The following ANKRD36 variants were observed in gnomAD, a reference collection of about 807,000 sequenced individuals.
ANKRD36 encodes ankyrin repeat domain 36.
Under a neutral mutation model 278.1 loss-of-function variants are expected in ANKRD36, and 179 were observed. That is an observed-to-expected ratio of 0.64 (90% CI 0.57 to 0.73). The LOEUF (loss-of-function observed/expected upper bound fraction) is 0.73. ANKRD36 is among the 30% of genes least tolerant of loss of function. The pLI is 0.00. For missense variants in ANKRD36, 1,159 were observed against 1,956.7 expected (o/e 0.59, Z 7.69); for synonymous variants, 320 against 641.1 (o/e 0.50, Z 7.57).
intron 3 of ANKRD36, among the ~76,000 whole-genome samples, chr2:97,120,807 C>T (rs1574513102): frequency 6.6e-6 from 1 of 152,136 alleles, no homozygotes; most frequent in Middle Eastern, 3.4e-3. Context: ...CAAATGTGTC[C>T]CATACATGTG....
intron 42 of ANKRD36, among the ~76,000 whole-genome samples, chr2:97,198,216 AT>A (rs1485849125): frequency 6.6e-6 from 1 of 152,024 alleles, no homozygotes; most frequent in East Asian, 1.9e-4. Flanking sequence ...ACACGGTTTT[AT>A]TTTAGTTTTT....
intron 52 of ANKRD36, 125 bp from the exon 53 acceptor site, chr2:97,207,686 A>G (rs2063244885): frequency 7.0e-7 from 1 of 1,436,270 alleles, no homozygotes; most frequent in East Asian, 2.5e-5. Context: ...GACACAAAGT[A>G]GAAGCCATCA....
intron 42 of ANKRD36, among the ~76,000 whole-genome samples, chr2:97,197,957 C>G (rs1271426342): frequency 3.6e-4 from 55 of 151,850 alleles, no homozygotes; most frequent in Non-Finnish European, 7.7e-4. Flanking sequence ...AGGACCCTTC[C>G]ACTGAAGGGA....
intron 48 of ANKRD36, among the ~76,000 whole-genome samples, chr2:97,203,395 T>C (rs551873685): frequency 2.0e-5 from 3 of 151,966 alleles, no homozygotes; most frequent in African/African-American, 7.2e-5. Flanking sequence ...GAGGCTAATA[T>C]ATTATCCCTT....
intron 6 of ANKRD36, among the ~76,000 whole-genome samples, chr2:97,140,281 G>T (rs13026122): frequency 6.6e-6 from 1 of 151,076 alleles, no homozygotes; most frequent in South Asian, 2.1e-4. Flanking sequence ...TTGAGGAGAG[G>T]CAGTGTCATT....
Position 97,164,415 on chromosome 2 carries a change from G to A in ANKRD36, c.1477G>A (p.Asp493Asn). 1 of 1,537,672 alleles carries A rather than the reference G, an allele frequency of 6.5e-7. No homozygotes were observed. The highest frequency in any genetic ancestry group is 8.7e-7 in the Non-Finnish European group (1 of 1,146,876). ...PLFTHTVKDR[D>N]HISTRFLGGM... Reference sequence around the variant, plus strand: ...CATTCAGCATACGGTGAAAGACAGAGATCACATTTCAACTAGATTCTTAGG... The same window carrying A: ...CATTCAGCATACGGTGAAAGACAGAAATCACATTTCAACTAGATTCTTAGG... The change falls in exon 20 of 76, where the codon GAT becomes AAT. Residue 493 changes from aspartate to asparagine, a missense_variant. Coordinates refer to ENST00000420699, the MANE Select transcript of ANKRD36 (RefSeq NM_001354587.1).
chr2:97,222,735 A>T (rs956615295), intron 66 of ANKRD36, among the ~76,000 whole-genome samples: 7 of 152,132 alleles, frequency 4.6e-5, no homozygotes, highest in Non-Finnish European at 7.3e-5. Flanking sequence ...TACTACTGCT[A>T]AATTAAGAGG....
chr2:97,127,651 A>G (rs890215922), intron 6 of ANKRD36, among the ~76,000 whole-genome samples: 1 of 151,994 alleles, frequency 6.6e-6, no homozygotes, highest in Non-Finnish European at 1.5e-5. Flanking sequence ...CTAGAGAAAG[A>G]AAGCTTTTGC....
intron 67 of ANKRD36, among the ~76,000 whole-genome samples, chr2:97,227,519 T>C (rs1468138406): frequency 6.6e-6 from 1 of 152,122 alleles, no homozygotes; most frequent in African/African-American, 2.4e-5. Context: ...CTTAAGGAGA[T>C]TTTGGGCTGA....
At chr2:97,227,584 G>A (rs1432677337) in intron 67 of ANKRD36, among the ~76,000 whole-genome samples, 2 of 152,090 alleles carry the variant, frequency 1.3e-5, no homozygotes, top group Admixed American at 1.3e-4. Flanking sequence ...GGGACAATTT[G>A]ACTTCCTCTT....
intron 67 of ANKRD36, among the ~76,000 whole-genome samples, chr2:97,225,443 C>A (rs939197723): frequency 3.3e-5 from 5 of 151,984 alleles, no homozygotes; most frequent in African/African-American, 1.2e-4. Context: ...TATTAGTGTA[C>A]AAACAATAAC....
chr2:97,204,033 CAT>C (rs2062120226), intron 48 of ANKRD36, 33 bp from the exon 49 acceptor site: 1 of 1,556,818 alleles, frequency 6.4e-7, no homozygotes, highest in East Asian at 2.4e-5. Flanking sequence ...GTCATTTTTA[CAT>C]ATGAGTGATT....
rs1395362126 is a variant in ANKRD36 at position 97,113,160 on chromosome 2, C to T, written c.-580C>T. Reference sequence around the variant, plus strand: ...GGAGCCCCGCCAGCCCCCGCCGGAGCCCGAGCTGCAGTGCCGCCTACAAGT... The same window carrying T: ...GGAGCCCCGCCAGCCCCCGCCGGAGTCCGAGCTGCAGTGCCGCCTACAAGT... On this transcript the variant is annotated 5_prime_UTR_variant, in exon 1 of 76. Coordinates refer to ENST00000420699, the MANE Select transcript of ANKRD36 (RefSeq NM_001354587.1). 1.3e-5 allele frequency among the ~76,000 whole-genome samples: 2 copies of T among 152,130 alleles called. No individual in the cohort carries two copies. Among genetic ancestry groups the T allele is most frequent in the Non-Finnish European group, 2.9e-5 (2 of 68,010 alleles).
chr2:97,219,558 G>A (rs1051068233), intron 66 of ANKRD36, among the ~76,000 whole-genome samples: 3 of 149,348 alleles, frequency 2.0e-5, no homozygotes, highest in Non-Finnish European at 4.5e-5. Flanking sequence ...TGTAACTCAC[G>A]ACAACCTCCA....
At chr2:97,203,950 A>G (rs1215546732) in intron 48 of ANKRD36, 118 bp from the exon 49 acceptor site, 1 of 1,461,096 alleles carries the variant, frequency 6.8e-7, no homozygotes, top group Non-Finnish European at 9.3e-7. Flanking sequence ...ATTAGAAGCC[A>G]TCAAAGCATA....
At chr2:97,193,983 C>A (rs912073398) in intron 38 of ANKRD36, among the ~76,000 whole-genome samples, 2 of 151,576 alleles carry the variant, frequency 1.3e-5, no homozygotes, top group African/African-American at 4.8e-5. Context: ...ATATCTAATG[C>A]TTGTAGCCAT....
At position 97,156,186 on chromosome 2, in the gene ANKRD36, A is replaced by G. The variant is rs193229807; in HGVS notation, c.1260+1445A>G. Among the ~76,000 whole-genome samples the G allele has an allele frequency of 1.2e-3, 174 of 146,666 alleles. 21 individuals are homozygous for G. The highest frequency in any genetic ancestry group is 4.5e-3 in the South Asian group (21 of 4,710). Reference sequence around the variant, plus strand: ...ATTTTTAAAGCCCCAACCATGTTCTATTAAATACATATTTTTCAGGACATA... The same window carrying G: ...ATTTTTAAAGCCCCAACCATGTTCTGTTAAATACATATTTTTCAGGACATA... On this transcript the variant is annotated intron_variant, in intron 15 of 75. Transcript: ENST00000420699.
Position 97,113,559 on chromosome 2 carries a change from G to A in ANKRD36, c.-181G>A. ...GGCCTGTTGGGCAGGGCCGGCTAAG[G>A]TGCGCGTGCTCGCTGGTTCTAACCC... is the stretch of plus-strand genomic sequence containing the variant. On this transcript the variant is annotated 5_prime_UTR_variant, in exon 1 of 76. In the 5' UTR this introduces an upstream ATG that the reference lacks. Coordinates refer to ENST00000420699, the MANE Select transcript of ANKRD36 (RefSeq NM_001354587.1). 3 of 696,628 alleles carry A rather than the reference G, an allele frequency of 4.3e-6. No homozygotes were observed. Among genetic ancestry groups the A allele is most frequent in the Non-Finnish European group, 7.0e-6 (3 of 427,312 alleles). The allele number at this position is 696,628 out of a possible 1,614,324, so 43.2% of individuals were successfully genotyped here.
At chr2:97,220,927 CT>C (rs2067451761) in intron 66 of ANKRD36, among the ~76,000 whole-genome samples, 1 of 105,122 alleles carries the variant, frequency 9.5e-6, no homozygotes, top group Non-Finnish European at 1.8e-5. Flanking sequence ...TCCCTCCCCC[CT>C]CCCCCGACCC....
Sources: allele counts gnomAD v4.1 joint callset (sites outside exome capture counted in the v4.1 genomes callset), GRCh38; gene constraint gnomAD v4.1.1; transcripts MANE v1.5; gene names NCBI Gene and HGNC (gene_info 2026-07-23, HGNC 2026-07-21).